WDR44: variants seen among roughly 807,000 people sequenced by gnomAD.
The protein encoded by WDR44 is WD repeat domain 44, also known as WD repeat-containing protein 44.
WDR44 carries 9 observed loss-of-function variants against 65.7 expected under a neutral mutation model. The ratio of observed to expected loss-of-function variants is 0.14; its 90% confidence interval spans 0.08 to 0.24. The LOEUF is 0.24. WDR44 is among the 10% of genes least tolerant of loss of function. The probability of loss-of-function intolerance (pLI) is 1.00; values close to 1 mark genes in which losing one functional copy is unlikely to be tolerated. For missense variants in WDR44, 425 were observed against 670.9 expected, an observed-to-expected ratio of 0.63 and a Z score of 4.05; for synonymous variants, 220 against 235.2, an observed-to-expected ratio of 0.94 and a Z score of 0.59.
At position 118,444,208 on chromosome X, in the gene WDR44, T is replaced by C. The variant is rs1034457303; in HGVS notation, c.2513-152T>C. 86 of 541,714 alleles carry C rather than the reference T, an allele frequency of 1.6e-4. No individual in the cohort carries two copies. The African/African-American group carries it at 1.6e-3, about 10-fold the overall frequency. 44.6% of individuals were successfully genotyped at this position (541,714 alleles called of 1,213,427 possible). A position where few individuals can be genotyped will look rare whatever the true frequency, so the allele number is the denominator to read the frequency against. On this transcript the variant is annotated intron_variant, in intron 18 of 19. Coordinates refer to ENST00000254029, the MANE Select transcript of WDR44 (RefSeq NM_019045.5). ...AGAAGTCAGGGAATTTCAGAACTTA[T>C]ATGTGATTTTTTTTAGAAAAATTTT...
At chrX:118,370,889 C>CT (rs965239416) in intron 1 of WDR44, among the ~76,000 whole-genome samples, 3,774 of 101,967 alleles carry the variant, frequency 0.037, 75 homozygotes, top group African/African-American at 0.05. Flanking sequence ...GCCTAAACCT[C>CT]TTTTTTTTTT....
At chrX:118,436,921 T>G (rs1569384769) in intron 14 of WDR44, 97 bp downstream of exon 14, 1 of 831,861 alleles carries the variant, frequency 1.2e-6, no homozygotes, top group African/African-American at 2.1e-5. Context: ...AAAAAATTAT[T>G]AACAGCTACA....
At chrX:118,350,274 G>A (rs1038233759) in intron 1 of WDR44, among the ~76,000 whole-genome samples, 1 of 111,927 alleles carries the variant, frequency 8.9e-6, no homozygotes, top group Non-Finnish European at 1.9e-5. Flanking sequence ...AAAGCAACTT[G>A]TAAAAGCTGC....
intron 1 of WDR44, among the ~76,000 whole-genome samples, chrX:118,352,347 TATATA>T (rs779843317): frequency 2.5e-4 from 7 of 28,442 alleles, no homozygotes; most frequent in South Asian, 2.8e-3. Context: ...TATATATATA[TATATA>T]TTTTTTTTTT....
chrX:118,354,553 G>A (rs911379516), intron 1 of WDR44, among the ~76,000 whole-genome samples: 6 of 111,364 alleles, frequency 5.4e-5, no homozygotes, highest in South Asian at 3.7e-4. Context: ...GGGGAGTCAG[G>A]TTTTTAAAAA....
At chrX:118,347,923 C>T (rs991075053) in intron 1 of WDR44, among the ~76,000 whole-genome samples, 1 of 111,845 alleles carries the variant, frequency 8.9e-6, no homozygotes, top group African/African-American at 3.3e-5. Flanking sequence ...ATAGGAAATA[C>T]ATTTGGGTTT....
chrX:118,346,244 A>G lies in WDR44; in HGVS notation c.-260A>G. The G allele has an allele frequency of 2.6e-6, 1 of 391,567 alleles. No homozygotes were observed. Among genetic ancestry groups the G allele is most frequent in the African/African-American group, 2.6e-5 (1 of 38,350 alleles). 32.3% of individuals were successfully genotyped at this position (391,567 alleles called of 1,213,427 possible). ...CTTTCGCGCTCCTTATACACCTATC[A>G]CTGGGAGCGGTGGCAGCAACATTCC... On this transcript the variant is annotated 5_prime_UTR_variant, in exon 1 of 20. Coordinates refer to ENST00000254029, the MANE Select transcript of WDR44 (RefSeq NM_019045.5).
chrX:118,436,169 T>C (rs1013842086), intron 13 of WDR44, among the ~76,000 whole-genome samples: 1 of 112,318 alleles, frequency 8.9e-6, no homozygotes, highest in African/African-American at 3.2e-5. Context: ...CTGAAAGATT[T>C]GACAATTTCT....
intron 1 of WDR44, among the ~76,000 whole-genome samples, chrX:118,356,270 A>G (rs971140212): frequency 1.8e-5 from 2 of 111,845 alleles, no homozygotes; most frequent in Non-Finnish European, 3.8e-5. Context: ...GGAATCCCAG[A>G]CACTGTTCAC....
intron 2 of WDR44, among the ~76,000 whole-genome samples, chrX:118,383,746 A>T (rs180670996): frequency 8.9e-4 from 85 of 95,691 alleles, no homozygotes; most frequent in Non-Finnish European, 1.4e-3. Context: ...TTGGAGACAG[A>T]GTCTCGCTCT....
In WDR44 at chrX:118,408,063, T is replaced by C. The variant is rs1272731986; in HGVS notation, c.1533+1037T>C. On this transcript the variant is annotated intron_variant, in intron 10 of 19. Transcript: ENST00000254029. ...TTCCTAGTACTGTATTGACTCGTTA[T>C]TTCCTGTTTTAAATAAAATCTCATC... is the stretch of plus-strand genomic sequence containing the variant. 3.6e-5 allele frequency among the ~76,000 whole-genome samples: 4 copies of C among 112,424 alleles called. No homozygotes were observed. In the East Asian group the frequency reaches 1.1e-3, roughly 31 times the overall value.
intron 12 of WDR44, among the ~76,000 whole-genome samples, chrX:118,428,744 C>T (rs1040036621): frequency 2.9e-4 from 32 of 111,898 alleles, no homozygotes; most frequent in Non-Finnish European, 5.6e-4. Flanking sequence ...TATAAAGATA[C>T]ATGCAGGCAT....
chrX:118,380,368 A>G (rs184782606), intron 2 of WDR44, among the ~76,000 whole-genome samples: 1 of 111,524 alleles, frequency 9.0e-6, no homozygotes, highest in Non-Finnish European at 1.9e-5. Context: ...CCGTTGTGCT[A>G]CCCCTTTATA....
chrX:118,408,740 G>A (rs1040708325), intron 10 of WDR44, among the ~76,000 whole-genome samples: 12 of 111,855 alleles, frequency 1.1e-4, no homozygotes, highest in Non-Finnish European at 1.9e-4. Flanking sequence ...GATGCTATAC[G>A]GGTCACTGCC....
intron 1 of WDR44, among the ~76,000 whole-genome samples, chrX:118,372,987 G>A (rs976580928): frequency 8.1e-5 from 9 of 110,990 alleles, no homozygotes; most frequent in Admixed American, 7.7e-4. Context: ...TACTTGGGAG[G>A]CTGAGTCAGG....
intron 12 of WDR44, among the ~76,000 whole-genome samples, chrX:118,418,067 C>G (rs1026406573): frequency 9.0e-6 from 1 of 111,155 alleles, no homozygotes; most frequent in Non-Finnish European, 1.9e-5. Flanking sequence ...TATCCATTTC[C>G]TTGAATATTT....
intron 1 of WDR44, among the ~76,000 whole-genome samples, chrX:118,368,091 A>G: frequency 8.9e-6 from 1 of 111,930 alleles, no homozygotes; most frequent in East Asian, 2.8e-4. Context: ...AGTCAGGTTT[A>G]GCAAGTTCCA....
chrX:118,390,602 A>T (rs1282927662), intron 3 of WDR44, among the ~76,000 whole-genome samples: 2 of 111,178 alleles, frequency 1.8e-5, no homozygotes, highest in Non-Finnish European at 3.8e-5. Context: ...TGTGGCACAG[A>T]CATTTCCATT....
At chrX:118,352,341 T>TAG (rs2056417069) in intron 1 of WDR44, among the ~76,000 whole-genome samples, 1 of 24,160 alleles carries the variant, frequency 4.1e-5, no homozygotes, top group African/African-American at 3.5e-4. Flanking sequence ...TATATATATA[T>TAG]ATATATATAT....
Sources: allele counts gnomAD v4.1 joint callset (sites outside exome capture counted in the v4.1 genomes callset), GRCh38; gene constraint gnomAD v4.1.1; transcripts MANE v1.5; gene names NCBI Gene and HGNC (gene_info 2026-07-23, HGNC 2026-07-21).